Variants in ABI3BP observed in about 807,000 individuals in gnomAD.
ABI3BP encodes ABI family member 3 binding protein.
Under a neutral mutation model 268.6 loss-of-function variants are expected in ABI3BP, and 216 were observed. The observed-to-expected ratio is 0.80, with a 90% confidence interval of 0.72 to 0.90. The LOEUF is 0.90. Ranked by LOEUF, ABI3BP falls within the 40% of genes least tolerant of loss-of-function variation. The pLI is 0.00. For synonymous variants in ABI3BP, 730 were observed against 730.0 expected (o/e 1.00, Z 0.00); for missense variants, 2,090 against 2,182.4 (o/e 0.96, Z 0.84).
chr3:100,927,595 C>CA (rs1332915422), intron 1 of ABI3BP, among the ~76,000 whole-genome samples: 1 of 152,082 alleles, frequency 6.6e-6, no homozygotes, highest in Non-Finnish European at 1.5e-5. Context: ...GAAAGCAAAG[C>CA]AGGCAAGTCT....
chr3:100,792,712 C>G lies in ABI3BP; in HGVS notation c.4003G>C (p.Glu1335Gln). 1.9e-6 allele frequency: 3 copies of G among 1,611,502 alleles called. No homozygotes were observed. Among genetic ancestry groups the G allele is most frequent in the Non-Finnish European group, 2.5e-6 (3 of 1,178,270 alleles). ...PFTTKIPRTT[E>Q]LAKTTQAPHR... Reference sequence around the variant, plus strand: ...TTACCCTGAGTTGTCTTTGCTAGTTCAGTTGTTCGTGGAATCTTAGTTGTG... The same window carrying G: ...TTACCCTGAGTTGTCTTTGCTAGTTGAGTTGTTCGTGGAATCTTAGTTGTG... The change falls in exon 55 of 68, where the codon GAA (glutamate) becomes CAA (glutamine). Residue 1335 changes from glutamate to glutamine, a missense_variant. Transcript: ENST00000471714.
chr3:100,864,996 G>C, intron 10 of ABI3BP, 89 bp from the exon 11 acceptor site: 9 of 978,052 alleles, frequency 9.2e-6, no homozygotes, highest in Non-Finnish European at 1.1e-5. Context: ...TTTAGAATTA[G>C]TGGCTGATAT....
chr3:100,963,801 G>A (rs1469490052), intron 1 of ABI3BP, among the ~76,000 whole-genome samples: 3 of 152,130 alleles, frequency 2.0e-5, no homozygotes, highest in African/African-American at 7.2e-5. Flanking sequence ...CTCCTAGGGA[G>A]GCTCTGATTT....
In ABI3BP at chr3:100,838,424, TG is replaced by T. The variant is rs1161993204; in HGVS notation, c.1985del (p.Pro662GlnfsTer47). On this transcript the variant is annotated frameshift_variant, in exon 25 of 68. Coordinates refer to ENST00000471714, the MANE Select transcript of ABI3BP (RefSeq NM_001375547.2). LOFTEE classifies it high-confidence loss of function. ...PSERPKTTHR[P>X]DAPQIQPGSK... ...TACCAGGCTGAATTTGAGGTGCATC[TG>T]GTCTGTGTGTGGTTTTAGGTCTCTC... 2.0e-6 allele frequency: 3 copies of T among 1,535,768 alleles called. No homozygotes were observed. Among genetic ancestry groups the T allele is most frequent in the Non-Finnish European group, 2.6e-6 (3 of 1,146,748 alleles).
At chr3:100,803,872 G>A (rs550480359) in intron 51 of ABI3BP, among the ~76,000 whole-genome samples, 19 of 152,278 alleles carry the variant, frequency 1.2e-4, no homozygotes, top group African/African-American at 4.6e-4. Flanking sequence ...CTATACCACA[G>A]CAGCAATAAT....
At chr3:100,754,517 A>T in intron 64 of ABI3BP, 95 bp downstream of exon 64, 1 of 1,203,174 alleles carries the variant, frequency 8.3e-7, no homozygotes, top group Non-Finnish European at 1.2e-6. Flanking sequence ...AAGAAACAGT[A>T]CATGTAGTGG....
chr3:100,816,629 G>T, intron 43 of ABI3BP, 59 bp downstream of exon 43: 1 of 1,354,594 alleles, frequency 7.4e-7, no homozygotes, highest in Non-Finnish European at 1.0e-6. Context: ...GACTTTATTG[G>T]GACAGCCTGC....
Position 100,796,399 on chromosome 3 carries a change from A to G in ABI3BP, c.3817+10T>C. 1 of 1,569,772 alleles carries G rather than the reference A, an allele frequency of 6.4e-7. No homozygotes were observed. The highest frequency in any genetic ancestry group is 8.6e-7 in the Non-Finnish European group (1 of 1,160,128). The stretch of plus-strand genomic sequence containing the variant: ...ACTTCTTAGCCAGAAGGATGAAATA[A>G]TTAATTTACCAGGTTCGCTCTGAGA... On this transcript the variant is annotated intron_variant, in intron 52 of 67. Coordinates refer to ENST00000471714, the MANE Select transcript of ABI3BP (RefSeq NM_001375547.2).
chr3:100,922,086 C>G (rs1454824420), intron 2 of ABI3BP, among the ~76,000 whole-genome samples: 1 of 152,224 alleles, frequency 6.6e-6, no homozygotes, highest in African/African-American at 2.4e-5. Context: ...AGAGCAGGAG[C>G]TGTAAGTGAT....
intron 2 of ABI3BP, among the ~76,000 whole-genome samples, chr3:100,904,953 C>G (rs2052548186): frequency 6.6e-6 from 1 of 152,208 alleles, no homozygotes; most frequent in East Asian, 1.9e-4. Flanking sequence ...TATAAAGACA[C>G]ATGCACATGT....
chr3:100,943,679 T>C (rs980628698), intron 1 of ABI3BP, among the ~76,000 whole-genome samples: 2 of 152,120 alleles, frequency 1.3e-5, no homozygotes, highest in African/African-American at 4.8e-5. Context: ...ATGTAAGGTC[T>C]CTTGCACTTA....
intron 1 of ABI3BP, among the ~76,000 whole-genome samples, chr3:100,959,489 C>CAAAAAA (rs35465693): frequency 4.4e-3 from 153 of 35,022 alleles, no homozygotes; most frequent in East Asian, 6.0e-3. Flanking sequence ...GACTCCGTCT[C>CAAAAAA]AAAAAAAAAA....
Position 100,885,571 on chromosome 3 carries a change from T to C in ABI3BP, c.661A>G (p.Lys221Glu). The C allele has an allele frequency of 6.4e-7, 1 of 1,559,068 alleles. No individual in the cohort carries two copies. Among genetic ancestry groups the C allele is most frequent in the Non-Finnish European group, 8.7e-7 (1 of 1,147,530 alleles). Residue 221 changes from lysine to glutamate, a missense_variant, in exon 6 of 68, where the codon AAA becomes GAA. Lys to Glu is a moderately conservative substitution (Grantham distance 56, BLOSUM62 1). Coordinates refer to ENST00000471714, the MANE Select transcript of ABI3BP (RefSeq NM_001375547.2). The part of the protein sequence containing the change: ...TVVGSKKVNG[K>E]IQSTYDQDHT... ...TCTTGGTCATAGGTACTTTGGATTT[T>C]CCCATTTACTTTTTTACCTGATGAA...
At chr3:100,923,453 G>A (rs1367355698) in intron 2 of ABI3BP, among the ~76,000 whole-genome samples, 2 of 152,008 alleles carry the variant, frequency 1.3e-5, no homozygotes, top group Non-Finnish European at 2.9e-5. Context: ...GTAAATAATC[G>A]AGCATATTTA....
In ABI3BP at chr3:100,902,501, A is replaced by C. The variant is rs1215944624; in HGVS notation, c.328+117T>G. Reference sequence around the variant, plus strand: ...GGTAAACTGTGGACCCAGGGCTGACACCTCCTCTACATTCTTAAAGCTTCT... The same window carrying C: ...GGTAAACTGTGGACCCAGGGCTGACCCCTCCTCTACATTCTTAAAGCTTCT... On this transcript the variant is annotated intron_variant, in intron 3 of 67. Transcript: ENST00000471714. 3.5e-6 allele frequency: 3 copies of C among 847,258 alleles called. No homozygotes were observed. In the African/African-American group the frequency reaches 5.1e-5, roughly 14 times the overall value. The allele number at this position is 847,258 out of a possible 1,614,324, so 52.5% of individuals were successfully genotyped here. A position where few individuals can be genotyped will look rare whatever the true frequency, so the allele number is the denominator to read the frequency against.
intron 14 of ABI3BP, among the ~76,000 whole-genome samples, chr3:100,860,896 T>C (rs1459163202): frequency 6.6e-6 from 1 of 152,146 alleles, no homozygotes; most frequent in Admixed American, 6.5e-5. Flanking sequence ...GCCAGGGCTG[T>C]CACGGTGCAG....
chr3:100,822,217 C>G (rs1009195415), intron 38 of ABI3BP, among the ~76,000 whole-genome samples: 1 of 152,202 alleles, frequency 6.6e-6, no homozygotes, highest in Admixed American at 6.6e-5. Context: ...AAATGCATCT[C>G]TGACATCTGA....
chr3:100,809,605 G>GT (rs1452030458), intron 49 of ABI3BP, among the ~76,000 whole-genome samples: 2 of 151,950 alleles, frequency 1.3e-5, no homozygotes, highest in African/African-American at 4.8e-5. Flanking sequence ...AAACTGTAGG[G>GT]TTTATAGGCA....
chr3:100,989,145 T>C (rs1219720987), intron 1 of ABI3BP, among the ~76,000 whole-genome samples: 3 of 152,188 alleles, frequency 2.0e-5, no homozygotes, highest in Admixed American at 6.5e-5. Flanking sequence ...CTTGCCTTTC[T>C]GCCTTCCACC....
Sources: gnomAD v4.1 joint callset for allele counts (sites outside exome capture counted in the v4.1 genomes callset) on GRCh38, gnomAD v4.1.1 for gene constraint, MANE v1.5 for transcripts, NCBI Gene and HGNC (gene_info 2026-07-23, HGNC 2026-07-21) for gene names.